Variants in ZNF33A observed in about 807,000 individuals in gnomAD.
ZNF33A encodes zinc finger protein 33A.
A neutral mutation model predicts 15.9 loss-of-function variants in ZNF33A; 9 were observed. The ratio of observed to expected loss-of-function variants is 0.57; its 90% CI spans 0.34 to 0.99. ZNF33A has a LOEUF of 0.99. Among genes scored for constraint, ZNF33A ranks in the 50% least tolerant of loss-of-function variants. The probability of loss-of-function intolerance (pLI) is 0.02; values close to 1 mark genes in which losing one functional copy is unlikely to be tolerated. For synonymous variants in ZNF33A, 294 were observed against 324.2 expected, an observed-to-expected ratio of 0.91 and a Z score of 1.00; for missense variants, 843 against 941.6, an observed-to-expected ratio of 0.90 and a Z score of 1.37.
rs2066128428 is a variant in ZNF33A at position 38,050,018 on chromosome 10, T to C, written c.251-4357T>C. On this transcript the variant is annotated intron_variant, in intron 4 of 4. Coordinates refer to ENST00000432900, the MANE Select transcript of ZNF33A (RefSeq NM_006954.2). ...CTACTACTGCTTACTTCAAAACAAA[T>C]AGATAACCTTTCCACAAAGAAAACC... Among the ~76,000 whole-genome samples, 3 of 152,264 alleles carry C rather than the reference T, an allele frequency of 2.0e-5. No homozygotes were observed. The South Asian group carries it at 6.2e-4, about 32-fold the overall frequency.
At chr10:38,035,995 C>G (rs1324600869) in intron 4 of ZNF33A, among the ~76,000 whole-genome samples, 1 of 152,104 alleles carries the variant, frequency 6.6e-6, no homozygotes, top group Admixed American at 6.6e-5. Context: ...TGTTTTTTCT[C>G]TAATCTTAAA....
chr10:38,056,900 G>A lies in ZNF33A; in HGVS notation c.*340G>A, dbSNP rs1183180850. 9 of 986,070 alleles carry A rather than the reference G, an allele frequency of 9.1e-6. No homozygotes were observed. Among genetic ancestry groups the A allele is most frequent in the Non-Finnish European group, 1.1e-5 (9 of 822,102 alleles). 61.1% of individuals were successfully genotyped at this position (986,070 alleles called of 1,614,324 possible). ...TAACAATAATTTATAGATGTATATT[G>A]TGGAATGTAAAGCTTTAAGAACTTA... On this transcript the variant is annotated 3_prime_UTR_variant, in exon 5 of 5. Transcript: ENST00000432900.
In ZNF33A at chr10:38,054,704, T is replaced by G. The variant is rs780443843; in HGVS notation, c.580T>G (p.Leu194Val). The change falls in exon 5 of 5, where the codon TTG (leucine) becomes GTG (valine). Residue 194 changes from leucine to valine, a missense_variant. Physicochemically the swap from Leu to Val is conservative, Grantham distance 32 (BLOSUM62 1). Coordinates refer to ENST00000432900, the MANE Select transcript of ZNF33A (RefSeq NM_006954.2). ...ETHTQEKNEV[L>V]KNRNTLSHHE... ...TCATACTCAAGAGAAAAATGAAGTT[T>G]TGAAAAATAGGAACACACTGAGTCA... 5.6e-6 allele frequency: 9 copies of G among 1,613,712 alleles called. No individual in the cohort carries two copies. The South Asian group carries it at 6.6e-5, about 12-fold the overall frequency.
chr10:38,060,083 A>G lies in ZNF33A; in HGVS notation c.*3523A>G. On this transcript the variant is annotated 3_prime_UTR_variant, in exon 5 of 5. Coordinates refer to ENST00000432900, the MANE Select transcript of ZNF33A (RefSeq NM_006954.2). ...CTGAGGAACATCTTGTTTCTGTACT[A>G]AGGTGTTCTTTTGTTAGTTGTATGT... The G allele has an allele frequency of 1.0e-6, 1 of 985,312 alleles. No individual in the cohort carries two copies. Among genetic ancestry groups the G allele is most frequent in the Non-Finnish European group, 1.2e-6 (1 of 829,874 alleles). The allele number at this position is 985,312 out of a possible 1,614,324, so 61.0% of individuals were successfully genotyped here. A position where few individuals can be genotyped will look rare whatever the true frequency, so the allele number is the denominator to read the frequency against.
intron 4 of ZNF33A, among the ~76,000 whole-genome samples, chr10:38,042,147 C>G (rs1200824150): frequency 2.0e-5 from 3 of 151,468 alleles, no homozygotes; most frequent in African/African-American, 7.3e-5. Flanking sequence ...GAGTTACCAT[C>G]TAGTGTAATT....
At chr10:38,049,513 C>T (rs1310195750) in intron 4 of ZNF33A, among the ~76,000 whole-genome samples, 1 of 151,910 alleles carries the variant, frequency 6.6e-6, no homozygotes, top group Non-Finnish European at 1.5e-5. Context: ...TGAAGTTTCT[C>T]CTATATGGGA....
intron 4 of ZNF33A, among the ~76,000 whole-genome samples, chr10:38,050,145 A>C (rs893348443): frequency 1.3e-5 from 2 of 152,214 alleles, no homozygotes; most frequent in Admixed American, 6.5e-5. Context: ...AATACTTCCT[A>C]AATCATTCTT....
chr10:38,014,373 C>T (rs1260843236), intron 2 of ZNF33A, among the ~76,000 whole-genome samples: 1 of 152,116 alleles, frequency 6.6e-6, no homozygotes, highest in Non-Finnish European at 1.5e-5. Context: ...AAGAAGTTTA[C>T]CAATCCCTAG....
rs2066494229 is a variant in ZNF33A at position 38,056,516 on chromosome 10, TC to T, written c.2393del (p.Ser798TyrfsTer11). 1 of 1,601,974 alleles carries T rather than the reference TC, an allele frequency of 6.2e-7. No individual in the cohort carries two copies. Among genetic ancestry groups the T allele is most frequent in the African/African-American group, 1.3e-5 (1 of 74,380 alleles). ...QVSLHNASEY[S>X]HCGESPDDIL... ...CAGCCTCCATAATGCCTCAGAGTAT[TC>T]ACACTGTGGAGAAAGCCCTGATGAC... On this transcript the variant is annotated frameshift_variant, in exon 5 of 5. Transcript: ENST00000432900. LOFTEE classifies it low-confidence loss of function (END_TRUNC).
Position 38,054,845 on chromosome 10 carries a change from A to G in ZNF33A, c.721A>G (p.Asn241Asp), listed in dbSNP as rs2066385759. 1 of 1,613,222 alleles carries G rather than the reference A, an allele frequency of 6.2e-7. No homozygotes were observed. ...AGTATTCAATACACAGAAGAGAGAGAACGCAGAAGAGAATAACTGTGATTA... is the reference window on the plus strand; with the variant it reads ...AGTATTCAATACACAGAAGAGAGAGGACGCAGAAGAGAATAACTGTGATTA... ...KAVFNTQKRENAEENNCDYNE... is the reference protein window; with the variant it reads ...KAVFNTQKREDAEENNCDYNE... Residue 241 changes from asparagine (N) to aspartate (D), a missense_variant, in exon 5 of 5, where the codon AAC becomes GAC. Coordinates refer to ENST00000432900, the MANE Select transcript of ZNF33A (RefSeq NM_006954.2).
chr10:38,063,081 G>T (rs533634834), downstream of ZNF33A, among the ~76,000 whole-genome samples: 52 of 150,574 alleles, frequency 3.5e-4, no homozygotes, highest in Non-Finnish European at 6.0e-4. Context: ...AGTGAGTTTG[G>T]AGTATGCACA....
rs1176023641 is a variant in ZNF33A, at chr10:38,044,328, C to T, written c.251-10047C>T. 2.0e-5 allele frequency among the ~76,000 whole-genome samples: 3 copies of T among 151,786 alleles called. No individual in the cohort carries two copies. In the East Asian group the frequency reaches 5.9e-4, roughly 30 times the overall value. On this transcript the variant is annotated intron_variant, in intron 4 of 4. Transcript: ENST00000432900. ...GTTCATGCAATTCTCTTGCCTCAGC[C>T]TCCAGAGTAGCTGGGATTACAGGTG... is the stretch of plus-strand genomic sequence containing the variant.
chr10:38,015,939 C>G, intron 2 of ZNF33A: 1 of 1,197,738 alleles, frequency 8.3e-7, no homozygotes, highest in East Asian at 3.2e-5. Context: ...ATGCTCATAT[C>G]TCATCTTTGG....
At chr10:38,062,387 G>GCTAC (rs2066665249), downstream of ZNF33A, among the ~76,000 whole-genome samples, 1 of 152,204 alleles carries the variant, frequency 6.6e-6, no homozygotes, top group Non-Finnish European at 1.5e-5. Context: ...ATTTGGCCAT[G>GCTAC]CTACACTCTC....
At chr10:38,023,890 G>A (rs1159419106) in intron 4 of ZNF33A, among the ~76,000 whole-genome samples, 6 of 152,164 alleles carry the variant, frequency 3.9e-5, no homozygotes, top group African/African-American at 1.4e-4. Context: ...CAGGCGCAGT[G>A]GCTCATGCCT....
chr10:38,055,238 C>G lies in ZNF33A; in HGVS notation c.1114C>G (p.Leu372Val). ...CEKAFWDKSN[L>V]TKHQRSHTGE... is the part of the protein sequence containing the mutation. ...AAAAGCTTTCTGGGATAAGTCAAAC[C>G]TCACTAAACATCAAAGATCACACAC... Residue 372 changes from leucine to valine, a missense_variant, in exon 5 of 5, where the codon CTC (leucine) becomes GTC (valine). Transcript: ENST00000432900. 1 of 1,614,112 alleles carries G rather than the reference C, an allele frequency of 6.2e-7. No homozygotes were observed. The highest frequency in any genetic ancestry group is 8.5e-7 in the Non-Finnish European group (1 of 1,180,000).
At chr10:38,030,579 G>C (rs761543613) in intron 4 of ZNF33A, among the ~76,000 whole-genome samples, 1 of 152,188 alleles carries the variant, frequency 6.6e-6, no homozygotes, top group Non-Finnish European at 1.5e-5. Context: ...ATGATATTAA[G>C]AGTGTAAAAA....
rs1418664925 is a variant in ZNF33A at position 38,017,075 on chromosome 10, C to T, written c.154+60C>T. The T allele has an allele frequency of 3.2e-5, 50 of 1,566,848 alleles. 1 individual carries two copies. Among genetic ancestry groups the T allele is most frequent in the African/African-American group, 8.2e-5 (6 of 73,014 alleles). On this transcript the variant is annotated intron_variant, in intron 3 of 4. Transcript: ENST00000432900. ...TTTGTTTATTCTTTTGATTATGAAG[C>T]GTATGGGCAGTCTGTATAGTTTAAT... is the stretch of plus-strand genomic sequence containing the variant.
intron 2 of ZNF33A, among the ~76,000 whole-genome samples, chr10:38,013,705 C>G (rs1029440067): frequency 5.9e-5 from 9 of 152,128 alleles, no homozygotes; most frequent in African/African-American, 2.2e-4. Flanking sequence ...GATCCCCCAC[C>G]TTGGCCTCCC....
Sources: allele counts gnomAD v4.1 joint callset (sites outside exome capture counted in the v4.1 genomes callset), GRCh38; gene constraint gnomAD v4.1.1; transcripts MANE v1.5; gene names NCBI Gene and HGNC (gene_info 2026-07-23, HGNC 2026-07-21).